EXOC3: variants seen among roughly 807,000 people sequenced by gnomAD.
The protein encoded by EXOC3 is SEC6-like 1.
EXOC3 carries 21 observed loss-of-function variants against 73.7 expected under a neutral mutation model. The ratio of observed to expected loss-of-function variants is 0.29; its 90% CI spans 0.20 to 0.41. The LOEUF (loss-of-function observed/expected upper bound fraction) is 0.41. Among genes scored for constraint, EXOC3 ranks in the 10% least tolerant of loss-of-function variants. The pLI is 1.00. For missense variants in EXOC3, 842 were observed against 985.1 expected (o/e 0.85, Z 1.95); for synonymous variants, 410 against 389.1 (o/e 1.05, Z -0.63).
chr5:462,667 A>T (rs889677287), intron 9 of EXOC3: 1 of 221,278 alleles, frequency 4.5e-6, no homozygotes, highest in Non-Finnish European at 9.0e-6. Context: ...GAATATAGGT[A>T]CACACGCAAA....
chr5:454,835 T>G (rs951086215), intron 4 of EXOC3, among the ~76,000 whole-genome samples: 1 of 151,976 alleles, frequency 6.6e-6, no homozygotes, highest in Non-Finnish European at 1.5e-5. Context: ...TCCGCCCATC[T>G]TGTCACTGCA....
chr5:447,366 G>C (rs1459944482), intron 2 of EXOC3, 167 bp from the exon 3 acceptor site: 1 of 586,116 alleles, frequency 1.7e-6, no homozygotes, highest in Non-Finnish European at 3.0e-6. Flanking sequence ...GGTACACTGT[G>C]AATCAATTAA....
At chr5:444,939 G>A (rs1329943636) in intron 1 of EXOC3, 1 of 143,112 alleles carries the variant, frequency 7.0e-6, no homozygotes. Flanking sequence ...TTCTACGTTG[G>A]TATGCCAAAT....
In EXOC3 at chr5:466,803, C is replaced by G; in HGVS notation, c.2143C>G (p.Leu715Val). The G allele has an allele frequency of 6.2e-7, 1 of 1,613,512 alleles. No homozygotes were observed. Among genetic ancestry groups the G allele is most frequent in the Non-Finnish European group, 8.5e-7 (1 of 1,179,828 alleles). The change falls in exon 13 of 13, where the codon CTG becomes GTG. Residue 715 changes from leucine to valine, a missense_variant. Physicochemically the swap from Leu to Val is conservative, Grantham distance 32 (BLOSUM62 1). Transcript: ENST00000512944. ...CATGAAGCAGACCATCATGGAGACC[C>G]TGGAGCAGGGCCCAGCACAGGCCAG... is the stretch of plus-strand genomic sequence containing the variant. ...RDMKQTIMET[L>V]EQGPAQASPS...
intron 1 of EXOC3, among the ~76,000 whole-genome samples, chr5:443,558 C>T (rs1308516324): frequency 1.3e-5 from 2 of 152,006 alleles, no homozygotes; most frequent in Non-Finnish European, 2.9e-5. Flanking sequence ...AAGGTCCTTC[C>T]TGGTGCAGGT....
chr5:459,650 A>C, intron 7 of EXOC3, 191 bp downstream of exon 7: 1 of 484,140 alleles, frequency 2.1e-6, no homozygotes. Flanking sequence ...CCTTGAGTGG[A>C]CCACACACCC....
At chr5:457,146 C>T (rs11749327) in intron 5 of EXOC3, 140 bp downstream of exon 5, 2 of 647,164 alleles carry the variant, frequency 3.1e-6, no homozygotes, top group East Asian at 2.8e-5. Flanking sequence ...CCGGGCTCTG[C>T]TTCCAGGCCT....
At position 453,381 on chromosome 5, in the gene EXOC3, G is replaced by C; in HGVS notation, c.376G>C (p.Val126Leu). 1.3e-6 allele frequency: 2 copies of C among 1,579,244 alleles called. No individual in the cohort carries two copies. The highest frequency in any genetic ancestry group is 1.2e-5 in the South Asian group (1 of 86,682). Residue 126 changes from valine (V) to leucine (L), a missense_variant, in exon 4 of 13, where the codon GTG becomes CTG. Transcript: ENST00000512944. ...TGCCTTCTCCCTAGTGCCTGAGATTGTGAGGGAGACCCAGGACCTAATTGA... is the reference window on the plus strand; with the variant it reads ...TGCCTTCTCCCTAGTGCCTGAGATTCTGAGGGAGACCCAGGACCTAATTGA... ...LKNIFSVPEI[V>L]RETQDLIEQG...
chr5:454,160 G>A, intron 4 of EXOC3, 109 bp downstream of exon 4: 2 of 891,008 alleles, frequency 2.2e-6, no homozygotes, highest in South Asian at 1.8e-5. Flanking sequence ...CTGGGCAGGT[G>A]CTCCGAGCCC....
intron 2 of EXOC3, chr5:447,212 C>A (rs1737533684): frequency 8.8e-6 from 2 of 226,280 alleles, no homozygotes; most frequent in Non-Finnish European, 1.7e-5. Context: ...TCTGAAGGTA[C>A]CGTAGCAGGC....
At position 459,472 on chromosome 5, in the gene EXOC3, GC is replaced by G; in HGVS notation, c.1391+15del. Reference sequence around the variant, plus strand: ...CTTTCCTAAGCAGGTATGTCTTTCTGCCAGTGTGCTAATGTACACATTGAAT... The same window carrying G: ...CTTTCCTAAGCAGGTATGTCTTTCTGCAGTGTGCTAATGTACACATTGAAT... On this transcript the variant is annotated intron_variant, in intron 7 of 12. Transcript: ENST00000512944. 7.1e-7 allele frequency: 1 copy of G among 1,398,688 alleles called. No homozygotes were observed. Among genetic ancestry groups the G allele is most frequent in the Non-Finnish European group, 9.9e-7 (1 of 1,012,454 alleles). The allele number at this position is 1,398,688 out of a possible 1,614,324, so 86.6% of individuals were successfully genotyped here.
intron 5 of EXOC3, chr5:457,571 C>CCGGACCTGGTCGGCCT (rs767728469): frequency 2.5e-5 from 7 of 278,654 alleles, no homozygotes; most frequent in Non-Finnish European, 4.2e-5. Context: ...ACAGGCCTGA[C>CCGGACCTGGTCGGCCT]CGGACCTGGT....
rs554117405 is a variant in EXOC3 at position 465,097 on chromosome 5, G to A, written c.1777-14G>A. The A allele has an allele frequency of 9.7e-6, 15 of 1,551,174 alleles. No homozygotes were observed. The highest frequency in any genetic ancestry group is 2.4e-5 in the South Asian group (2 of 84,640). On this transcript the variant is annotated splice_polypyrimidine_tract_variant and intron_variant, in intron 10 of 12. Coordinates refer to ENST00000512944, the MANE Select transcript of EXOC3 (RefSeq NM_007277.5). ...AGCCGTGGAGCCTGCCGCTGACCGC[G>A]CGTGTCTCCCCAGAGGATGACGGCC...
At chr5:452,266 T>C (rs1286900722) in intron 3 of EXOC3, among the ~76,000 whole-genome samples, 3 of 152,238 alleles carry the variant, frequency 2.0e-5, no homozygotes, top group African/African-American at 7.2e-5. Flanking sequence ...CCCATTGTCC[T>C]GTCTTCACAT....
At chr5:447,413 C>A in intron 2 of EXOC3, 120 bp from the exon 3 acceptor site, 1 of 636,396 alleles carries the variant, frequency 1.6e-6, no homozygotes, top group Non-Finnish European at 2.7e-6. Flanking sequence ...TGGGTATTGA[C>A]TGTTTCCTGC....
At chr5:452,788 C>A (rs747315845) in intron 3 of EXOC3, among the ~76,000 whole-genome samples, 1 of 152,216 alleles carries the variant, frequency 6.6e-6, no homozygotes, top group Non-Finnish European at 1.5e-5. Context: ...TGGCCACTTC[C>A]GAATTTTTCC....
chr5:463,280 A>C (rs1469872256), intron 9 of EXOC3, among the ~76,000 whole-genome samples: 1 of 152,234 alleles, frequency 6.6e-6, no homozygotes, highest in Non-Finnish European at 1.5e-5. Context: ...AACTTTCGCA[A>C]ATATGACTTA....
At chr5:464,526 C>G in intron 10 of EXOC3, 114 bp downstream of exon 10, 1 of 1,211,650 alleles carries the variant, frequency 8.3e-7, no homozygotes, top group Non-Finnish European at 1.2e-6. Flanking sequence ...CACTTGTTGT[C>G]CTATCAGCCC....
intron 3 of EXOC3, among the ~76,000 whole-genome samples, chr5:452,979 G>A (rs1260119656): frequency 2.0e-5 from 3 of 152,236 alleles, no homozygotes; most frequent in African/African-American, 7.2e-5. Flanking sequence ...TCGCACCTCT[G>A]TGGTCAGAAG....
Sources: gnomAD v4.1 joint callset for allele counts (sites outside exome capture counted in the v4.1 genomes callset) on GRCh38, gnomAD v4.1.1 for gene constraint, MANE v1.5 for transcripts, NCBI Gene and HGNC (gene_info 2026-07-23, HGNC 2026-07-21) for gene names.